DISC1: variants seen among roughly 807,000 people sequenced by gnomAD.
DISC1 encodes disrupted in schizophrenia 1 protein.
In DISC1, 57 loss-of-function variants were observed where a neutral mutation model predicts 84.5. The ratio of observed to expected loss-of-function variants is 0.67; its 90% confidence interval spans 0.55 to 0.84. DISC1 has a LOEUF of 0.84. Ranked by LOEUF, DISC1 falls within the 40% of genes least tolerant of loss-of-function variation. The pLI, the probability that DISC1 is intolerant of heterozygous loss-of-function variation, is 0.00. For synonymous variants in DISC1, 411 were observed against 415.2 expected (o/e 0.99, Z 0.12); for missense variants, 1,000 against 1,057.8 (o/e 0.95, Z 0.76).
Position 232,009,231 on chromosome 1 carries a change from A to C in DISC1, c.2307+182A>C. 1 of 1,407,872 alleles carries C rather than the reference A, an allele frequency of 7.1e-7. No homozygotes were observed. 87.2% of individuals were successfully genotyped at this position (1,407,872 alleles called of 1,614,324 possible). ...AAGTAGAATTTTTGTAGAAGTTTGA[A>C]ATATAGAAGAGCAAAAAAACCCAAC... On this transcript the variant is annotated intron_variant, in intron 11 of 12. Transcript: ENST00000439617. The surrounding 1 kb of genome is among the most constrained non-coding windows in gnomAD (Gnocchi z 4.6).
At chr1:231,694,836 G>C in intron 2 of DISC1, 31 bp downstream of exon 2, 1 of 1,608,522 alleles carries the variant, frequency 6.2e-7, no homozygotes, top group Non-Finnish European at 8.5e-7. Flanking sequence ...TGTGGCCCGA[G>C]ATTGTCGTGA....
intron 9 of DISC1, among the ~76,000 whole-genome samples, chr1:231,882,219 C>T (rs1160530871): frequency 6.6e-6 from 1 of 152,170 alleles, no homozygotes; most frequent in African/African-American, 2.4e-5. Flanking sequence ...CACTGGTAGT[C>T]AGGGTCCCTA....
intron 9 of DISC1, among the ~76,000 whole-genome samples, chr1:231,869,706 C>A (rs2085318536): frequency 6.6e-6 from 1 of 152,072 alleles, no homozygotes; most frequent in Admixed American, 6.5e-5. Flanking sequence ...CAAGGGTGAC[C>A]TGCACCTATG....
At chr1:231,730,430 T>A (rs1011167778) in intron 3 of DISC1, among the ~76,000 whole-genome samples, 2 of 152,244 alleles carry the variant, frequency 1.3e-5, no homozygotes, top group Non-Finnish European at 2.9e-5. Flanking sequence ...TTATTTTTTA[T>A]TTTTAAACTT....
At position 231,855,264 on chromosome 1, in the gene DISC1, A is replaced by ATATT. The variant is rs10658383; in HGVS notation, c.1981+36749_1981+36750insTTTA. The ATATT allele has an allele frequency of 0.012, 11,860 of 967,400 alleles. 1,041 individuals carry two copies. The African/African-American group carries it at 0.19, about 15-fold the overall frequency. The allele number at this position is 967,400 out of a possible 1,614,324, so 59.9% of individuals were successfully genotyped here. On this transcript the variant is annotated intron_variant, in intron 9 of 12. Transcript: ENST00000439617. ...CTGTAAAGAATCACAAGAGTGTCTC[A>ATATT]TAAATAACTTTCTATATAACATATG...
chr1:232,029,760 ACTCAGTTT>A (rs1175588830), intron 12 of DISC1, among the ~76,000 whole-genome samples: 2 of 152,168 alleles, frequency 1.3e-5, no homozygotes, highest in Non-Finnish European at 2.9e-5. Context: ...TGTGGAAAAC[ACTCAGTTT>A]TTGCATAAAC....
intron 3 of DISC1, among the ~76,000 whole-genome samples, chr1:231,705,320 T>TG (rs1267982742): frequency 1.7e-5 from 1 of 58,006 alleles, no homozygotes; most frequent in African/African-American, 9.1e-5. Flanking sequence ...AAAAAAATCA[T>TG]TAAAAAAAAA....
At chr1:231,944,299 A>G (rs1378475987) in intron 9 of DISC1, among the ~76,000 whole-genome samples, 1 of 152,146 alleles carries the variant, frequency 6.6e-6, no homozygotes, top group Non-Finnish European at 1.5e-5. Flanking sequence ...TCTGGAAGGA[A>G]GGGTCAGGTT....
intron 8 of DISC1, among the ~76,000 whole-genome samples, chr1:231,818,072 A>T (rs969676161): frequency 3.3e-5 from 5 of 152,086 alleles, no homozygotes; most frequent in African/African-American, 1.2e-4. Flanking sequence ...TTTACGGGAG[A>T]TGGCTTCACC....
chr1:231,655,251 C>T (rs2060958468), intron 1 of DISC1, among the ~76,000 whole-genome samples: 1 of 152,158 alleles, frequency 6.6e-6, no homozygotes, highest in South Asian at 2.1e-4. Context: ...GCCCCTCCCA[C>T]ACTCCCCTAT....
At chr1:231,738,175 C>T (rs572765909) in intron 3 of DISC1, among the ~76,000 whole-genome samples, 1 of 152,218 alleles carries the variant, frequency 6.6e-6, no homozygotes, top group South Asian at 2.1e-4. Flanking sequence ...TTGTGTATGC[C>T]CCCAAACAAG....
Position 231,800,333 on chromosome 1 carries a change from C to T in DISC1, c.1792+123C>T, listed in dbSNP as rs182706754. Reference sequence around the variant, plus strand: ...TATGTCATTCTCAGACATCTGAAAGCTTTTCTGGGAAGTTTCACTAATATG... The same window carrying T: ...TATGTCATTCTCAGACATCTGAAAGTTTTTCTGGGAAGTTTCACTAATATG... On this transcript the variant is annotated intron_variant, in intron 8 of 12. Transcript: ENST00000439617. The T allele has an allele frequency of 1.9e-5, 16 of 842,558 alleles. No homozygotes were observed. In the Admixed American group the frequency reaches 2.4e-4, roughly 13 times the overall value. The allele number at this position is 842,558 out of a possible 1,614,324, so 52.2% of individuals were successfully genotyped here.
chr1:231,732,157 A>C (rs745724493), intron 3 of DISC1, among the ~76,000 whole-genome samples: 53 of 152,348 alleles, frequency 3.5e-4, no homozygotes, highest in Non-Finnish European at 5.9e-4. Flanking sequence ...TGAAGGCTAC[A>C]TGAGAAAGGT....
Position 231,749,800 on chromosome 1 carries a change from C to CT in DISC1, c.1118-125dup, listed in dbSNP as rs2074404799. 4 of 1,285,522 alleles carry CT rather than the reference C, an allele frequency of 3.1e-6. No individual in the cohort carries two copies. The Admixed American group carries it at 7.6e-5, about 24-fold the overall frequency. 79.6% of individuals were successfully genotyped at this position (1,285,522 alleles called of 1,614,324 possible). A position where few individuals can be genotyped will look rare whatever the true frequency, so the allele number is the denominator to read the frequency against. On this transcript the variant is annotated intron_variant, in intron 3 of 12. Transcript: ENST00000439617. ...AGAGATGAAAGTGCTGGCCTAGAAA[C>CT]TAGTAACCTTGTCATGATGTCATTA...
rs768655605 is a variant in DISC1 at position 231,626,876 on chromosome 1, C to A, written c.9C>A (p.Gly3=). ...AGCTGGCAGCGGGGCGCATGCCAGG[C>A]GGGGGTCCTCAGGGCGCCCCAGCCG... MP[G]GGPQGAPAAA... The change falls in exon 1 of 13, where the codon GGC becomes GGA. Residue 3 remains glycine, a synonymous_variant. Transcript: ENST00000439617. 1.4e-6 allele frequency: 2 copies of A among 1,478,416 alleles called. No individual in the cohort carries two copies. The highest frequency in any genetic ancestry group is 2.6e-5 in the South Asian group (2 of 77,492). The allele number at this position is 1,478,416 out of a possible 1,614,324, so 91.6% of individuals were successfully genotyped here. A position where few individuals can be genotyped will look rare whatever the true frequency, so the allele number is the denominator to read the frequency against.
chr1:231,863,992 A>T (rs368786806), intron 9 of DISC1, among the ~76,000 whole-genome samples: 7 of 152,168 alleles, frequency 4.6e-5, no homozygotes, highest in African/African-American at 1.7e-4. Context: ...GTGCCTTTCC[A>T]CACAAAAGGG....
intron 9 of DISC1, among the ~76,000 whole-genome samples, chr1:231,827,137 G>A (rs952566300): frequency 3.3e-5 from 5 of 152,038 alleles, no homozygotes; most frequent in African/African-American, 4.8e-5. Context: ...ACAGGCGCCC[G>A]CCACCATGCC....
chr1:231,866,198 A>G (rs1331449245), intron 9 of DISC1, among the ~76,000 whole-genome samples: 1 of 152,076 alleles, frequency 6.6e-6, no homozygotes, highest in African/African-American at 2.4e-5. Flanking sequence ...GAGCAAAAAG[A>G]GCTTCCTATG....
intron 6 of DISC1, among the ~76,000 whole-genome samples, chr1:231,778,803 G>A (rs16854959): frequency 5.9e-5 from 9 of 152,180 alleles, no homozygotes; most frequent in African/African-American, 1.7e-4. Context: ...TTTTCATTGC[G>A]TTGTAAATTA....
Sources: gnomAD v4.1 joint callset for allele counts (sites outside exome capture counted in the v4.1 genomes callset) on GRCh38, gnomAD v4.1.1 for gene constraint, Gnocchi (gnomAD v3.1) non-coding constraint, MANE v1.5 for transcripts, NCBI Gene and HGNC (gene_info 2026-07-23, HGNC 2026-07-21) for gene names.